Variants in LTN1 observed in about 807,000 individuals in gnomAD.
LTN1 encodes E3 ubiquitin-protein ligase listerin.
In LTN1, 88 loss-of-function variants were observed where a neutral mutation model predicts 201.2. The observed-to-expected ratio is 0.44, with a 90% CI of 0.37 to 0.52. LTN1 has a LOEUF of 0.52. Among genes scored for constraint, LTN1 ranks in the 20% least tolerant of loss-of-function variants. LTN1 has a pLI of 0.00. For missense variants in LTN1, 1,752 were observed against 2,038.7 expected (o/e 0.86, Z 2.71); for synonymous variants, 645 against 713.5 (o/e 0.90, Z 1.53).
chr21:28,951,051 A>G (rs965544591), intron 18 of LTN1, among the ~76,000 whole-genome samples: 4 of 144,962 alleles, frequency 2.8e-5, no homozygotes, highest in Non-Finnish European at 5.9e-5. Flanking sequence ...ATACACAAAC[A>G]TGTGCATGTA....
intron 16 of LTN1, 149 bp downstream of exon 16, chr21:28,956,613 A>C (rs2084427407): frequency 2.1e-6 from 1 of 482,526 alleles, no homozygotes; most frequent in East Asian, 3.4e-5. Context: ...TTCACCACTT[A>C]AGTAACTTCA....
In LTN1 at chr21:28,929,797, A is replaced by G. The variant is rs1601156140; in HGVS notation, c.*651T>C. The G allele has an allele frequency of 1.3e-5, 2 of 152,156 alleles. No individual in the cohort carries two copies. The highest frequency in any genetic ancestry group is 3.8e-4 in the East Asian group (2 of 5,202). 9.4% of individuals were successfully genotyped at this position (152,156 alleles called of 1,614,324 possible). ...AGAAATAATTCTCCCACAAGCAAAA[A>G]GGTCAGCATCAAGAATTTAATTTTC... is the stretch of plus-strand genomic sequence containing the variant. On this transcript the variant is annotated 3_prime_UTR_variant, in exon 30 of 30. Transcript: ENST00000361371.
chr21:28,947,405 C>T (rs2084346226), intron 19 of LTN1, 59 bp downstream of exon 19: 2 of 1,345,914 alleles, frequency 1.5e-6, no homozygotes, highest in East Asian at 2.7e-5. Context: ...ATATTAGAAA[C>T]AGTTCTTCAT....
intron 6 of LTN1, among the ~76,000 whole-genome samples, chr21:28,975,157 G>A (rs1323823070): frequency 6.6e-6 from 1 of 152,122 alleles, no homozygotes; most frequent in Non-Finnish European, 1.5e-5. Flanking sequence ...TGACCCAGAC[G>A]TTATCAGACA....
intron 1 of LTN1, among the ~76,000 whole-genome samples, chr21:28,992,366 G>A (rs1163461420): frequency 6.6e-6 from 1 of 152,134 alleles, no homozygotes; most frequent in East Asian, 1.9e-4. Flanking sequence ...GGTAGCAAAG[G>A]AGAGGCACAA....
At chr21:28,987,022 G>A (rs2084703787) in intron 1 of LTN1, 88 bp from the exon 2 acceptor site, 1 of 781,972 alleles carries the variant, frequency 1.3e-6, no homozygotes, top group Non-Finnish European at 2.1e-6. Flanking sequence ...CCCATGGTCA[G>A]AATGAGCTTT....
Position 28,964,490 on chromosome 21 carries a change from G to A in LTN1, c.2163+1375C>T, listed in dbSNP as rs1445801856. On this transcript the variant is annotated intron_variant, in intron 11 of 29. Coordinates refer to ENST00000361371, the MANE Select transcript of LTN1 (RefSeq NM_015565.3). The stretch of plus-strand genomic sequence containing the variant: ...AATGTTATTGCACACTTAATAGACT[G>A]TAGTGTACACATAACTTTTATATGC... The A allele has an allele frequency of 5.8e-6, 7 of 1,210,622 alleles. No individual in the cohort carries two copies. In the East Asian group the frequency reaches 1.8e-4, roughly 31 times the overall value. The allele number at this position is 1,210,622 out of a possible 1,614,324, so 75.0% of individuals were successfully genotyped here. A position where few individuals can be genotyped will look rare whatever the true frequency, so the allele number is the denominator to read the frequency against.
In LTN1 at chr21:28,970,752, C is replaced by A; in HGVS notation, c.985-10G>T. 6.3e-7 allele frequency: 1 copy of A among 1,599,850 alleles called. No homozygotes were observed. Among genetic ancestry groups the A allele is most frequent in the Non-Finnish European group, 8.5e-7 (1 of 1,170,084 alleles). ...CATGAAGCCAACAGTCCTAACCAAA[C>A]AAAAGATTATAGTAGTAATTAGAGA... On this transcript the variant is annotated splice_polypyrimidine_tract_variant and intron_variant, in intron 7 of 29. Coordinates refer to ENST00000361371, the MANE Select transcript of LTN1 (RefSeq NM_015565.3).
In LTN1 at chr21:28,981,259, C is replaced by G; in HGVS notation, c.670G>C (p.Val224Leu). ...EEEREAKFYRVVTCSLLALKR... is the reference protein window; with the variant it reads ...EEEREAKFYRLVTCSLLALKR... ...AATGCCAATAAGGAACAAGTTACAA[C>G]CCGGTAGAATTTAGCTTCTCTTTCT... Residue 224 changes from valine (V) to leucine (L), a missense_variant, in exon 6 of 30, where the codon GTT becomes CTT. Val to Leu is a conservative substitution (Grantham distance 32, BLOSUM62 1). This residue lies in a region of LTN1 where 280 missense variants were observed against 375.7 expected (regional missense o/e 0.75). Coordinates refer to ENST00000361371, the MANE Select transcript of LTN1 (RefSeq NM_015565.3). The G allele has an allele frequency of 5.1e-6, 8 of 1,572,518 alleles. No homozygotes were observed. Among genetic ancestry groups the G allele is most frequent in the Non-Finnish European group, 6.9e-6 (8 of 1,166,572 alleles).
Position 28,967,077 on chromosome 21 carries a change from C to T in LTN1, c.1414G>A (p.Asp472Asn). ...GCTGTTTTTTCATCTTTTTCCGTGTCTGCTTTGGCTTCCCAGGAACTTAGA... is the reference window on the plus strand; with the variant it reads ...GCTGTTTTTTCATCTTTTTCCGTGTTTGCTTTGGCTTCCCAGGAACTTAGA... ...ETLSSWEAKA[D>N]TEKDEKTAHN... The change falls in exon 10 of 30, where the codon GAC (aspartate) becomes AAC (asparagine). Residue 472 changes from aspartate to asparagine, a missense_variant. Asp to Asn is a conservative substitution (Grantham distance 23). Coordinates refer to ENST00000361371, the MANE Select transcript of LTN1 (RefSeq NM_015565.3). The T allele has an allele frequency of 6.2e-7, 1 of 1,614,058 alleles. No individual in the cohort carries two copies. The highest frequency in any genetic ancestry group is 1.1e-5 in the South Asian group (1 of 91,062).
In LTN1 at chr21:28,966,785, G is replaced by C. The variant is rs148074117; in HGVS notation, c.1706C>G (p.Thr569Arg). 45 of 1,613,568 alleles carry C rather than the reference G, an allele frequency of 2.8e-5. No individual in the cohort carries two copies. The African/African-American group carries it at 5.5e-4, about 20-fold the overall frequency. ...ATTATGAGTGAGAGAAGGTTCAGTTGTTAATTCCCAGCCTTCAATCTTCTC... is the reference window on the plus strand; with the variant it reads ...ATTATGAGTGAGAGAAGGTTCAGTTCTTAATTCCCAGCCTTCAATCTTCTC... ...EGEKIEGWELTTEPSLTHNSS... is the reference protein window; with the variant it reads ...EGEKIEGWELRTEPSLTHNSS... Residue 569 changes from threonine (T) to arginine (R), a missense_variant, in exon 10 of 30, where the codon ACA (threonine) becomes AGA (arginine). This residue lies in a region of LTN1 where 1,211 missense variants were observed against 1,312.8 expected (regional missense o/e 0.92). Transcript: ENST00000361371.
In LTN1 at chr21:28,986,657, TA is replaced by T; in HGVS notation, c.246+73del. ...AATAAATTGTTCATTTTTCTTTACA[TA>T]AAACATGCTAATGACATTTTATTTT... is the stretch of plus-strand genomic sequence containing the variant. On this transcript the variant is annotated intron_variant, in intron 2 of 29. Transcript: ENST00000361371. The surrounding 1 kb of genome is among the most constrained non-coding windows in gnomAD (Gnocchi z 4.1). 8.5e-7 allele frequency: 1 copy of T among 1,172,308 alleles called. No homozygotes were observed. The highest frequency in any genetic ancestry group is 1.2e-6 in the Non-Finnish European group (1 of 802,294). The allele number at this position is 1,172,308 out of a possible 1,614,324, so 72.6% of individuals were successfully genotyped here.
intron 1 of LTN1, among the ~76,000 whole-genome samples, chr21:28,989,048 A>T (rs552550398): frequency 1.2e-4 from 19 of 152,156 alleles, no homozygotes; most frequent in Non-Finnish European, 1.9e-4. Context: ...TATTAAAATG[A>T]ATTAATATTA....
intron 3 of LTN1, among the ~76,000 whole-genome samples, chr21:28,985,318 G>A (rs1198404431): frequency 6.6e-6 from 1 of 151,904 alleles, no homozygotes; most frequent in Non-Finnish European, 1.5e-5. Context: ...AAAATTAGCG[G>A]GGCATGGTGG....
intron 13 of LTN1, among the ~76,000 whole-genome samples, chr21:28,958,959 TG>T (rs1355328131): frequency 1.3e-5 from 2 of 151,822 alleles, no homozygotes; most frequent in African/African-American, 4.8e-5. Flanking sequence ...AAGGAAAGAA[TG>T]AAGGGTGGGA....
Position 28,986,533 on chromosome 21 carries a change from A to G in LTN1, c.246+198T>C. 1 of 655,838 alleles carries G rather than the reference A, an allele frequency of 1.5e-6. No individual in the cohort carries two copies. The highest frequency in any genetic ancestry group is 2.6e-6 in the Non-Finnish European group (1 of 377,640). 40.6% of individuals were successfully genotyped at this position (655,838 alleles called of 1,614,324 possible). Reference sequence around the variant, plus strand: ...GCCAAAATTCCAAAGCACTTTAAAAAAGTTCACTGTAACAAACTAATTTAC... The same window carrying G: ...GCCAAAATTCCAAAGCACTTTAAAAGAGTTCACTGTAACAAACTAATTTAC... On this transcript the variant is annotated intron_variant, in intron 2 of 29. Transcript: ENST00000361371. This position sits in a 1 kb window ranked among gnomAD's most constrained non-coding sequence, Gnocchi z 4.1.
chr21:28,957,390 C>G lies in LTN1; in HGVS notation c.2834G>C (p.Gly945Ala), dbSNP rs2084434647. The G allele has an allele frequency of 6.2e-7, 1 of 1,606,466 alleles. No homozygotes were observed. The highest frequency in any genetic ancestry group is 1.3e-5 in the African/African-American group (1 of 74,424). Residue 945 changes from glycine (G) to alanine (A), a missense_variant, in exon 15 of 30, where the codon GGA becomes GCA. Gly to Ala is a moderately conservative substitution (Grantham distance 60). Transcript: ENST00000361371. ...TTCACTGTCGTTCGGCATTACACTTCCAATATAAACTCCCATAAGATAAGA... is the reference window on the plus strand; with the variant it reads ...TTCACTGTCGTTCGGCATTACACTTGCAATATAAACTCCCATAAGATAAGA... The part of the protein sequence containing the change: ...EDSYLMGVYI[G>A]SVMPNDSEWE...
At chr21:28,935,087 A>G (rs2084243560) in intron 27 of LTN1, 22 bp downstream of exon 27, 4 of 1,502,048 alleles carry the variant, frequency 2.7e-6, no homozygotes, top group Non-Finnish European at 3.7e-6. Context: ...ACTTTTCTAG[A>G]GAAAGTCAAG....
intron 6 of LTN1, among the ~76,000 whole-genome samples, chr21:28,974,099 C>T (rs534645875): frequency 6.6e-6 from 1 of 152,098 alleles, no homozygotes; most frequent in South Asian, 2.1e-4. Flanking sequence ...GATAAGACAT[C>T]AATCTATTAA....
Sources: allele counts gnomAD v4.1 joint callset (sites outside exome capture counted in the v4.1 genomes callset), GRCh38; gene constraint gnomAD v4.1.1; regional missense constraint gnomAD v4.1.1; non-coding constraint Gnocchi (gnomAD v3.1); transcripts MANE v1.5; gene names NCBI Gene and HGNC (gene_info 2026-07-23, HGNC 2026-07-21).